The following TSHZ2 variants were observed in gnomAD, a reference collection of about 807,000 sequenced individuals.
TSHZ2 encodes teashirt homolog 2.
TSHZ2 carries 21 observed loss-of-function variants against 74.4 expected under a neutral mutation model. The observed-to-expected ratio is 0.28, with a 90% confidence interval of 0.20 to 0.41. TSHZ2 has a LOEUF of 0.41. Among genes scored for constraint, TSHZ2 ranks in the 10% least tolerant of loss-of-function variants. The pLI is 1.00. For synonymous variants in TSHZ2, 540 were observed against 515.3 expected (o/e 1.05, Z -0.65); for missense variants, 1,244 against 1,293.5 (o/e 0.96, Z 0.59).
At chr20:53,196,417 G>A (rs1310095479) in intron 1 of TSHZ2, 2 of 143,022 alleles carry the variant, frequency 1.4e-5, no homozygotes, top group East Asian at 2.2e-4. Context: ...ATTAGAATAC[G>A]CCACCTAGTG....
chr20:53,196,930 T>C (rs1166274468), intron 1 of TSHZ2, among the ~76,000 whole-genome samples: 1 of 152,264 alleles, frequency 6.6e-6, no homozygotes, highest in East Asian at 1.9e-4. Context: ...AGCTTCCCTA[T>C]GTCCAATTTC....
intron 2 of TSHZ2, among the ~76,000 whole-genome samples, chr20:53,387,661 A>G (rs927284351): frequency 1.2e-4 from 18 of 152,170 alleles, no homozygotes; most frequent in Admixed American, 1.3e-4. Flanking sequence ...CCTCTCGCCT[A>G]CAGTTGAAGT....
Position 53,469,071 on chromosome 20 carries a change from A to ATATATATT in TSHZ2, c.*9-18066_*9-18065insTTATATAT, listed in dbSNP as rs1406454575. Among the ~76,000 whole-genome samples the ATATATATT allele has an allele frequency of 4.0e-4, 52 of 129,526 alleles. 2 individuals carry two copies. Among genetic ancestry groups the ATATATATT allele is most frequent in the Non-Finnish European group, 4.1e-4 (25 of 61,212 alleles). The allele number at this position is 129,526 out of a possible 152,430, so 85.0% of individuals were successfully genotyped here. ...TATATATATATATATATATATATAT[A>ATATATATT]TATATATATATATGTACATATTCTA... On this transcript the variant is annotated intron_variant, in intron 2 of 2. Coordinates refer to ENST00000371497, the MANE Select transcript of TSHZ2 (RefSeq NM_173485.6).
chr20:53,203,191 ATTTTT>A (rs34078708), intron 1 of TSHZ2, among the ~76,000 whole-genome samples: 1 of 130,534 alleles, frequency 7.7e-6, no homozygotes, highest in Non-Finnish European at 1.6e-5. Flanking sequence ...GCAGACTCAA[ATTTTT>A]TTTTTTTTTT....
intron 2 of TSHZ2, among the ~76,000 whole-genome samples, chr20:53,467,366 A>G (rs1985593367): frequency 1.3e-5 from 2 of 152,044 alleles, no homozygotes; most frequent in Non-Finnish European, 2.9e-5. Flanking sequence ...CCTAATGACT[A>G]CTTATTTGTA....
intron 1 of TSHZ2, among the ~76,000 whole-genome samples, chr20:53,105,508 G>A (rs993383751): frequency 4.6e-5 from 7 of 152,120 alleles, no homozygotes; most frequent in South Asian, 2.1e-4. Context: ...ATAACTTGGC[G>A]CCTTCAGAAA....
intron 1 of TSHZ2, among the ~76,000 whole-genome samples, chr20:53,035,898 G>T (rs982301570): frequency 4.6e-5 from 7 of 152,128 alleles, no homozygotes; most frequent in African/African-American, 1.7e-4. Context: ...CCTGACTGAA[G>T]ACCTATTCAT....
intron 2 of TSHZ2, among the ~76,000 whole-genome samples, chr20:53,312,738 A>G (rs1485130743): frequency 6.6e-6 from 1 of 152,216 alleles, no homozygotes; most frequent in African/African-American, 2.4e-5. Context: ...AAAATCCTAG[A>G]TTTTAAAAAA....
Position 53,256,194 on chromosome 20 carries a change from G to A in TSHZ2, c.2736G>A (p.Gly912=). 1.2e-6 allele frequency: 2 copies of A among 1,612,806 alleles called. No individual in the cohort carries two copies. Among genetic ancestry groups the A allele is most frequent in the Non-Finnish European group, 1.7e-6 (2 of 1,179,092 alleles). Residue 912 remains glycine (G), a synonymous_variant, in exon 2 of 3, where the codon GGG becomes GGA. Coordinates refer to ENST00000371497, the MANE Select transcript of TSHZ2 (RefSeq NM_173485.6). This position sits in a 1 kb window ranked among gnomAD's most constrained non-coding sequence, Gnocchi z 4.3. ...AGTACCAGCTTAGGAAAACGGGCGGGACAAAATTTCTGAAAAACATGGACA... is the reference window on the plus strand; with the variant it reads ...AGTACCAGCTTAGGAAAACGGGCGGAACAAAATTTCTGAAAAACATGGACA... The part of the protein sequence containing the change: ...NVKYQLRKTG[G]TKFLKNMDKG...
At chr20:53,327,026 C>G (rs767652469) in intron 2 of TSHZ2, among the ~76,000 whole-genome samples, 1 of 152,154 alleles carries the variant, frequency 6.6e-6, no homozygotes, top group East Asian at 1.9e-4. Context: ...TTGTGGAAAC[C>G]GTACATGCAG....
At chr20:53,284,713 C>T (rs921927252) in intron 2 of TSHZ2, among the ~76,000 whole-genome samples, 3 of 150,246 alleles carry the variant, frequency 2.0e-5, no homozygotes, top group Non-Finnish European at 4.4e-5. Context: ...CCTACACGCC[C>T]GTCCCCCCCA....
At chr20:53,334,095 A>G (rs929517358) in intron 2 of TSHZ2, among the ~76,000 whole-genome samples, 5 of 152,218 alleles carry the variant, frequency 3.3e-5, no homozygotes, top group Non-Finnish European at 7.3e-5. Context: ...TCTTCCATGT[A>G]TTCATTCATT....
In TSHZ2 at chr20:53,493,698, T is replaced by G. The variant is rs1986505784; in HGVS notation, c.*6563T>G. The G allele has an allele frequency of 6.6e-6, 1 of 152,110 alleles. No homozygotes were observed. The highest frequency in any genetic ancestry group is 2.4e-5 in the African/African-American group (1 of 41,416). The allele number at this position is 152,110 out of a possible 1,614,324, so 9.4% of individuals were successfully genotyped here. ...ACAGGCTGTTTTAATCAAAACCATGTTTCACTTCTTTTTGATGATTATAAA... is the reference window on the plus strand; with the variant it reads ...ACAGGCTGTTTTAATCAAAACCATGGTTCACTTCTTTTTGATGATTATAAA... On this transcript the variant is annotated 3_prime_UTR_variant, in exon 3 of 3. Transcript: ENST00000371497.
intron 1 of TSHZ2, among the ~76,000 whole-genome samples, chr20:53,023,620 TTTTTTTTTTTG>T (rs1568724097): frequency 1.9e-5 from 1 of 51,612 alleles, no homozygotes; most frequent in Non-Finnish European, 3.1e-5. Context: ...TCGTTTTTTG[TTTTTTTTTTTG>T]CTTTTTGTTT....
chr20:53,097,852 G>T (rs530394511), intron 1 of TSHZ2: 1 of 152,294 alleles, frequency 6.6e-6, no homozygotes, highest in Non-Finnish European at 1.5e-5. Context: ...TATTCGAGTA[G>T]CTATGCTCCC....
intron 1 of TSHZ2, among the ~76,000 whole-genome samples, chr20:53,220,242 GC>G (rs2038197490): frequency 6.6e-6 from 1 of 152,166 alleles, no homozygotes; most frequent in Admixed American, 6.5e-5. Flanking sequence ...GGTAATTGGA[GC>G]AAAAAGCTAC....
At chr20:53,294,091 T>C (rs949979362) in intron 2 of TSHZ2, among the ~76,000 whole-genome samples, 14 of 152,174 alleles carry the variant, frequency 9.2e-5, no homozygotes, top group African/African-American at 3.4e-4. Flanking sequence ...GTGTAAATAC[T>C]TCCACAGTGG....
At chr20:53,005,165 A>T (rs996670716) in intron 1 of TSHZ2, among the ~76,000 whole-genome samples, 11 of 152,140 alleles carry the variant, frequency 7.2e-5, no homozygotes, top group Middle Eastern at 3.4e-3. Context: ...TACAAAAAAA[A>T]TTAGCCAGGT....
intron 1 of TSHZ2, among the ~76,000 whole-genome samples, chr20:52,985,016 C>G (rs1188747442): frequency 6.6e-6 from 1 of 152,170 alleles, no homozygotes; most frequent in Non-Finnish European, 1.5e-5. Flanking sequence ...AAGTGGAAAC[C>G]AATAAAAGTG....
Sources: gnomAD v4.1 joint callset for allele counts (sites outside exome capture counted in the v4.1 genomes callset) on GRCh38, gnomAD v4.1.1 for gene constraint, Gnocchi (gnomAD v3.1) non-coding constraint, MANE v1.5 for transcripts, NCBI Gene and HGNC (gene_info 2026-07-23, HGNC 2026-07-21) for gene names.